The following SLC25A21 variants were observed in gnomAD, a reference collection of about 807,000 sequenced individuals.
The protein encoded by SLC25A21 is mitochondrial 2-oxodicarboxylate carrier.
A neutral mutation model predicts 43.8 loss-of-function variants in SLC25A21; 47 were observed. The ratio of observed to expected loss-of-function variants is 1.07; its 90% CI spans 0.85 to 1.37. SLC25A21 has a LOEUF of 1.37. Among genes scored for constraint, SLC25A21 ranks in the 40% most tolerant of loss-of-function variants. The pLI, the probability that SLC25A21 is intolerant of heterozygous loss-of-function variation, is 0.00. For synonymous variants in SLC25A21, 131 were observed against 121.3 expected (o/e 1.08, Z -0.52); for missense variants, 352 against 350.2 (o/e 1.00, Z -0.04).
chr14:36,991,386 A>T (rs541599395), intron 1 of SLC25A21, among the ~76,000 whole-genome samples: 2 of 152,308 alleles, frequency 1.3e-5, no homozygotes, highest in Admixed American at 1.3e-4. Context: ...GGCACACGGC[A>T]TTCAACACTT....
At chr14:37,052,641 CT>C (rs200176030) in intron 1 of SLC25A21, among the ~76,000 whole-genome samples, 21 of 116,126 alleles carry the variant, frequency 1.8e-4, no homozygotes, top group East Asian at 4.6e-4. Context: ...TCAACATAAA[CT>C]TTTTTTTTCC....
rs377235508 is a variant in SLC25A21, at chr14:36,705,189, C to T, written c.603+6129G>A. 4.3e-3 allele frequency among the ~76,000 whole-genome samples: 646 copies of T among 150,636 alleles called. 4 individuals carry two copies. Among genetic ancestry groups the T allele is most frequent in the African/African-American group, 0.015 (605 of 40,588 alleles). ...CCAAGTAGCTGGGACTACTGGCGCC[C>T]GCCACCATGCCTGGTTAATTTTTTT... is the stretch of plus-strand genomic sequence containing the variant. On this transcript the variant is annotated intron_variant, in intron 7 of 9. Coordinates refer to ENST00000331299, the MANE Select transcript of SLC25A21 (RefSeq NM_030631.4).
In SLC25A21 at chr14:36,764,036, A is replaced by AAAAGAAAGAAAGAAAGAAAGAAAGAAAG. The variant is rs759050826; in HGVS notation, c.204-29491_204-29464dup. Among the ~76,000 whole-genome samples the AAAAGAAAGAAAGAAAGAAAGAAAGAAAG allele has an allele frequency of 2.0e-3, 51 of 25,644 alleles. 6 individuals carry two copies. Among genetic ancestry groups the AAAAGAAAGAAAGAAAGAAAGAAAGAAAG allele is most frequent in the East Asian group, 5.4e-3 (2 of 372 alleles). The allele number at this position is 25,644 out of a possible 152,430, so 16.8% of individuals were successfully genotyped here. Reference sequence around the variant, plus strand: ...AGAGCAAGACTCTGTGAAAGAAAGAAAAAGAAAGAAAGAAAGAAAGAAAGA... The same window carrying AAAAGAAAGAAAGAAAGAAAGAAAGAAAG: ...AGAGCAAGACTCTGTGAAAGAAAGAAAAAGAAAGAAAGAAAGAAAGAAAGAAAGAAAGAAAGAAAGAAAGAAAGAAAGA... On this transcript the variant is annotated intron_variant, in intron 3 of 9. Coordinates refer to ENST00000331299, the MANE Select transcript of SLC25A21 (RefSeq NM_030631.4).
chr14:36,855,744 T>C (rs1195823114), intron 2 of SLC25A21, among the ~76,000 whole-genome samples: 1 of 152,212 alleles, frequency 6.6e-6, no homozygotes, highest in Non-Finnish European at 1.5e-5. Flanking sequence ...AATACAGCAC[T>C]ATATCCTCTG....
At chr14:37,012,926 A>G (rs548396698) in intron 1 of SLC25A21, among the ~76,000 whole-genome samples, 1 of 152,340 alleles carries the variant, frequency 6.6e-6, no homozygotes, top group South Asian at 2.1e-4. Flanking sequence ...TTTTGGGGAC[A>G]CACCAACCTG....
rs146446217 is a variant in SLC25A21 at position 37,104,702 on chromosome 14, A to T, written c.70+67579T>A. On this transcript the variant is annotated intron_variant, in intron 1 of 9. Coordinates refer to ENST00000331299, the MANE Select transcript of SLC25A21 (RefSeq NM_030631.4). ...ATTTTTGGTCCTCTTTTTACAGATA[A>T]TGAAACTAAGGCTTAAAGAAATTAA... Among the ~76,000 whole-genome samples the T allele has an allele frequency of 3.1e-3, 471 of 152,344 alleles. 1 individual carries two copies. The highest frequency in any genetic ancestry group is 0.011 in the African/African-American group (438 of 41,594).
chr14:36,862,601 G>T (rs1226435605), intron 2 of SLC25A21, among the ~76,000 whole-genome samples: 1 of 150,572 alleles, frequency 6.6e-6, no homozygotes, highest in South Asian at 2.2e-4. Context: ...ACACACTGGG[G>T]CCTTTCAGGG....
chr14:36,723,129 C>T (rs1454623288), intron 6 of SLC25A21, among the ~76,000 whole-genome samples: 1 of 152,182 alleles, frequency 6.6e-6, no homozygotes, highest in Non-Finnish European at 1.5e-5. Flanking sequence ...ATTATTGAGT[C>T]CTAGATAAAA....
chr14:37,005,383 C>A (rs552812551), intron 1 of SLC25A21, among the ~76,000 whole-genome samples: 5 of 152,266 alleles, frequency 3.3e-5, no homozygotes, highest in South Asian at 2.1e-4. Flanking sequence ...AATGTGCCAT[C>A]TTGTTCCGTT....
chr14:37,064,492 C>T (rs892965839), intron 1 of SLC25A21, among the ~76,000 whole-genome samples: 1 of 152,130 alleles, frequency 6.6e-6, no homozygotes. Context: ...CATCTACCTA[C>T]TCCAGTTGTG....
intron 3 of SLC25A21, among the ~76,000 whole-genome samples, chr14:36,770,527 T>A (rs931595653): frequency 6.6e-6 from 1 of 152,154 alleles, no homozygotes. Flanking sequence ...AAAATAAAAG[T>A]TGAAATTATA....
intron 1 of SLC25A21, among the ~76,000 whole-genome samples, chr14:36,909,292 G>T (rs946684134): frequency 4.6e-5 from 7 of 152,150 alleles, no homozygotes; most frequent in African/African-American, 1.7e-4. Flanking sequence ...CTGCAGCCTT[G>T]CAAGGGGATG....
chr14:36,772,415 T>C (rs574968689), intron 3 of SLC25A21, among the ~76,000 whole-genome samples: 4 of 152,346 alleles, frequency 2.6e-5, no homozygotes, highest in South Asian at 4.1e-4. Flanking sequence ...TTGAAACATA[T>C]GCATTTCCAA....
intron 3 of SLC25A21, among the ~76,000 whole-genome samples, chr14:36,757,599 C>T (rs1019116579): frequency 6.6e-6 from 1 of 152,168 alleles, no homozygotes; most frequent in Non-Finnish European, 1.5e-5. Context: ...CCTTAAAGAT[C>T]TATCTCATTC....
chr14:36,821,443 A>C (rs867725232), intron 2 of SLC25A21, among the ~76,000 whole-genome samples: 6 of 152,260 alleles, frequency 3.9e-5, no homozygotes, highest in African/African-American at 1.2e-4. Flanking sequence ...TCCAAGTTGA[A>C]GTATCTTGTA....
chr14:36,911,946 A>T (rs950131798), intron 1 of SLC25A21, among the ~76,000 whole-genome samples: 3 of 152,192 alleles, frequency 2.0e-5, no homozygotes, highest in Admixed American at 2.0e-4. Context: ...TTACTTTCCT[A>T]ATCATAAAAA....
At chr14:37,076,599 C>T (rs1487631603) in intron 1 of SLC25A21, among the ~76,000 whole-genome samples, 1 of 152,186 alleles carries the variant, frequency 6.6e-6, no homozygotes, top group African/African-American at 2.4e-5. Context: ...AGCGATTCTC[C>T]TGCCTCAGTC....
At chr14:36,817,225 C>G (rs913322764) in intron 2 of SLC25A21, among the ~76,000 whole-genome samples, 2 of 149,130 alleles carry the variant, frequency 1.3e-5, no homozygotes, top group African/African-American at 5.0e-5. Context: ...GAAAAAAAAA[C>G]CTATATAAGA....
At chr14:37,045,138 G>A (rs955165753) in intron 1 of SLC25A21, among the ~76,000 whole-genome samples, 1 of 152,060 alleles carries the variant, frequency 6.6e-6, no homozygotes, top group Non-Finnish European at 1.5e-5. Context: ...CTTTCAAATC[G>A]AAAGTTACAT....
Sources: allele counts gnomAD v4.1 joint callset (sites outside exome capture counted in the v4.1 genomes callset), GRCh38; gene constraint gnomAD v4.1.1; transcripts MANE v1.5; gene names NCBI Gene and HGNC (gene_info 2026-07-23, HGNC 2026-07-21).